RBFOX1: variants seen among roughly 807,000 people sequenced by gnomAD.
The protein encoded by RBFOX1 is RNA binding protein fox-1 homolog 1.
Under a neutral mutation model 57.7 loss-of-function variants are expected in RBFOX1, and 8 were observed. That is an observed-to-expected ratio of 0.14 (90% CI 0.08 to 0.25). The LOEUF (loss-of-function observed/expected upper bound fraction) is 0.25, where lower values mean the gene tolerates loss of function less well. Among genes scored for constraint, RBFOX1 ranks in the 10% least tolerant of loss-of-function variants. RBFOX1 has a pLI of 1.00. For synonymous variants in RBFOX1, 326 were observed against 222.4 expected, an observed-to-expected ratio of 1.47 and a Z score of -4.15; for missense variants, 611 against 548.5, an observed-to-expected ratio of 1.11 and a Z score of -1.14.
At chr16:5,556,217 CAT>C (rs1395231170) in intron 2 of RBFOX1, among the ~76,000 whole-genome samples, 9 of 152,316 alleles carry the variant, frequency 5.9e-5, no homozygotes, top group African/African-American at 2.2e-4. Flanking sequence ...GAGCCTTGGT[CAT>C]ATTAATGAGG....
intron 1 of RBFOX1, among the ~76,000 whole-genome samples, chr16:5,279,085 C>A (rs1006909169): frequency 2.6e-5 from 4 of 151,984 alleles, no homozygotes; most frequent in Non-Finnish European, 5.9e-5. Context: ...TTCTGTGGTT[C>A]CATGTGAATT....
At chr16:6,773,456 C>A (rs1002968477) in intron 3 of RBFOX1, among the ~76,000 whole-genome samples, 1 of 95,854 alleles carries the variant, frequency 1.0e-5, no homozygotes, top group Non-Finnish European at 2.1e-5. Context: ...GCATAGGGTG[C>A]AATTGTGTGT....
intron 5 of RBFOX1, among the ~76,000 whole-genome samples, chr16:7,546,353 TAA>T (rs57797360): frequency 4.0e-4 from 1 of 2,494 alleles, no homozygotes; most frequent in African/African-American, 6.4e-4. Context: ...TAAAATAAAA[TAA>T]AATAAAATAA....
At chr16:7,092,202 T>C (rs114891671) in intron 4 of RBFOX1, among the ~76,000 whole-genome samples, 2,496 of 152,308 alleles carry the variant, frequency 0.016, 31 homozygotes, top group East Asian at 0.03. Flanking sequence ...TATACCACTG[T>C]TTTATTAGTA....
intron 4 of RBFOX1, among the ~76,000 whole-genome samples, chr16:5,981,291 G>A (rs1330274337): frequency 6.6e-6 from 1 of 152,194 alleles, no homozygotes; most frequent in East Asian, 1.9e-4. Context: ...TGGAGAGCTG[G>A]CATCTACAAA....
At chr16:5,504,997 G>C (rs1044826833) in intron 2 of RBFOX1, among the ~76,000 whole-genome samples, 9 of 152,198 alleles carry the variant, frequency 5.9e-5, no homozygotes, top group Non-Finnish European at 1.2e-4. Flanking sequence ...GAAGGGTGCA[G>C]GTTTCTTTGA....
In RBFOX1 at chr16:7,290,734, C is replaced by T. The variant is rs571856206; in HGVS notation, c.28-227413C>T. On this transcript the variant is annotated intron_variant, in intron 4 of 15. Transcript: ENST00000550418. ...CGTTCTCATGGGACATGTGCGTGTCCGTGTGTACAGGATGGGGGCGTGGAA... is the reference window on the plus strand; with the variant it reads ...CGTTCTCATGGGACATGTGCGTGTCTGTGTGTACAGGATGGGGGCGTGGAA... Among the ~76,000 whole-genome samples the T allele has an allele frequency of 1.2e-4, 18 of 152,244 alleles. No individual in the cohort carries two copies. The South Asian group carries it at 3.7e-3, about 32-fold the overall frequency.
chr16:7,416,846 G>A (rs535273671), intron 4 of RBFOX1, among the ~76,000 whole-genome samples: 8 of 152,138 alleles, frequency 5.3e-5, no homozygotes, highest in East Asian at 1.9e-4. Flanking sequence ...GTCTATGCAC[G>A]TAACACATAT....
intron 3 of RBFOX1, among the ~76,000 whole-genome samples, chr16:5,829,623 G>C (rs1415916525): frequency 6.6e-6 from 1 of 152,000 alleles, no homozygotes; most frequent in African/African-American, 2.4e-5. Flanking sequence ...TTCAGTAACA[G>C]CCCCTGCTCA....
intron 1 of RBFOX1, among the ~76,000 whole-genome samples, chr16:6,249,683 T>C (rs1315952788): frequency 5.9e-5 from 9 of 151,728 alleles, no homozygotes; most frequent in Non-Finnish European, 8.8e-5. Context: ...AGGGCATCCA[T>C]GCCAAGTGAT....
intron 5 of RBFOX1, among the ~76,000 whole-genome samples, chr16:7,526,469 A>G (rs997482366): frequency 2.0e-5 from 3 of 152,098 alleles, no homozygotes; most frequent in Non-Finnish European, 2.9e-5. Context: ...TATTTTTTCT[A>G]TAACTCCCTT....
At chr16:5,255,978 C>T (rs1050451859) in intron 1 of RBFOX1, among the ~76,000 whole-genome samples, 13 of 151,818 alleles carry the variant, frequency 8.6e-5, no homozygotes, top group African/African-American at 2.9e-4. Flanking sequence ...TAAGATGTCA[C>T]ATTAAAAGTG....
intron 2 of RBFOX1, among the ~76,000 whole-genome samples, chr16:6,646,421 A>G (rs2098535359): frequency 6.6e-6 from 1 of 152,146 alleles, no homozygotes; most frequent in South Asian, 2.1e-4. Flanking sequence ...GAATAATCTT[A>G]GGGAAATGGC....
chr16:6,908,205 C>G (rs2070588002), intron 3 of RBFOX1, among the ~76,000 whole-genome samples: 1 of 151,758 alleles, frequency 6.6e-6, no homozygotes, highest in South Asian at 2.1e-4. Flanking sequence ...ATTACCTCTG[C>G]TCAGCATTGT....
intron 2 of RBFOX1, among the ~76,000 whole-genome samples, chr16:6,602,924 C>T (rs1251280052): frequency 6.6e-6 from 1 of 152,106 alleles, no homozygotes; most frequent in Non-Finnish European, 1.5e-5. Flanking sequence ...ACTAATAAAA[C>T]GAGAGCTGGA....
At chr16:5,967,850 G>T (rs570722805) in intron 4 of RBFOX1, among the ~76,000 whole-genome samples, 4 of 152,146 alleles carry the variant, frequency 2.6e-5, no homozygotes, top group Non-Finnish European at 5.9e-5. Context: ...GAAAGCAGGG[G>T]TATTTTGCTT....
intron 4 of RBFOX1, among the ~76,000 whole-genome samples, chr16:7,078,653 C>T (rs942970502): frequency 6.6e-6 from 1 of 150,818 alleles, no homozygotes; most frequent in East Asian, 2.0e-4. Context: ...CAGCCCGACC[C>T]TATTTTTTAT....
intron 2 of RBFOX1, among the ~76,000 whole-genome samples, chr16:6,510,015 G>A (rs904312848): frequency 6.6e-6 from 1 of 151,978 alleles, no homozygotes; most frequent in Non-Finnish European, 1.5e-5. Flanking sequence ...TCAGGGCAGG[G>A]GTGGTGTCTG....
chr16:6,825,596 C>T (rs1418915784), intron 3 of RBFOX1, among the ~76,000 whole-genome samples: 2 of 152,114 alleles, frequency 1.3e-5, no homozygotes, highest in African/African-American at 4.8e-5. Flanking sequence ...TTTTCTCTTC[C>T]TTTTAGAAAC....
Sources: gnomAD v4.1 joint callset for allele counts (sites outside exome capture counted in the v4.1 genomes callset) on GRCh38, gnomAD v4.1.1 for gene constraint, MANE v1.5 for transcripts, NCBI Gene and HGNC (gene_info 2026-07-23, HGNC 2026-07-21) for gene names.